The following RBFOX1 variants were observed in gnomAD, a reference collection of about 807,000 sequenced individuals.
RBFOX1 encodes RNA binding protein fox-1 homolog 1.
A neutral mutation model predicts 57.7 loss-of-function variants in RBFOX1; 8 were observed. The observed-to-expected ratio is 0.14, with a 90% CI of 0.08 to 0.25. The LOEUF is 0.25. Among genes scored for constraint, RBFOX1 ranks in the 10% least tolerant of loss-of-function variants. RBFOX1 has a pLI of 1.00. For missense variants in RBFOX1, 611 were observed against 548.5 expected (o/e 1.11, Z -1.14); for synonymous variants, 326 against 222.4 (o/e 1.47, Z -4.15).
chr16:6,015,011 A>G (rs554153862), upstream of RBFOX1, among the ~76,000 whole-genome samples: 8 of 152,034 alleles, frequency 5.3e-5, no homozygotes, highest in African/African-American at 1.9e-4. Flanking sequence ...GCACACCACT[A>G]CGCCTGGCTA....
intron 3 of RBFOX1, among the ~76,000 whole-genome samples, chr16:6,879,177 C>T (rs909644779): frequency 1.3e-5 from 2 of 152,068 alleles, no homozygotes; most frequent in African/African-American, 4.8e-5. Flanking sequence ...GAATATCAGC[C>T]CTTTTAATAA....
At chr16:5,686,459 C>T (rs1049763893) in intron 3 of RBFOX1, among the ~76,000 whole-genome samples, 4 of 152,138 alleles carry the variant, frequency 2.6e-5, no homozygotes, top group Admixed American at 6.5e-5. Context: ...AACCCAAAGC[C>T]TGCAGTGAAG....
At chr16:6,468,080 G>A (rs1345518038) in intron 2 of RBFOX1, among the ~76,000 whole-genome samples, 1 of 152,106 alleles carries the variant, frequency 6.6e-6, no homozygotes, top group Non-Finnish European at 1.5e-5. Flanking sequence ...AATACGGAGT[G>A]GGGATGGTGA....
At chr16:5,769,411 C>G (rs2053900453) in intron 3 of RBFOX1, among the ~76,000 whole-genome samples, 1 of 150,382 alleles carries the variant, frequency 6.6e-6, no homozygotes, top group African/African-American at 2.5e-5. Flanking sequence ...GAGGCTGAAG[C>G]AGGTGGATCA....
chr16:6,487,152 G>GTA (rs1567401619), intron 2 of RBFOX1, among the ~76,000 whole-genome samples: 8 of 85,856 alleles, frequency 9.3e-5, no homozygotes, highest in Non-Finnish European at 2.6e-4. Flanking sequence ...TTCTGTGTGT[G>GTA]TGTGTGTGTG....
intron 3 of RBFOX1, among the ~76,000 whole-genome samples, chr16:5,858,352 C>G (rs779048149): frequency 6.6e-6 from 1 of 152,188 alleles, no homozygotes; most frequent in Non-Finnish European, 1.5e-5. Context: ...TACCATGTGT[C>G]AGGGTGACTG....
chr16:5,638,599 C>G (rs1013448651), intron 3 of RBFOX1, among the ~76,000 whole-genome samples: 5 of 152,176 alleles, frequency 3.3e-5, no homozygotes, highest in Non-Finnish European at 5.9e-5. Flanking sequence ...GGGATTGTGC[C>G]TCTACCTTCT....
intron 2 of RBFOX1, among the ~76,000 whole-genome samples, chr16:6,343,289 C>G (rs977064373): frequency 6.6e-6 from 1 of 152,150 alleles, no homozygotes; most frequent in Non-Finnish European, 1.5e-5. Context: ...TGTGTCTTCC[C>G]CTACCCTGGT....
chr16:6,837,649 CAT>C (rs1454195019), intron 3 of RBFOX1, among the ~76,000 whole-genome samples: 1 of 152,186 alleles, frequency 6.6e-6, no homozygotes, highest in Non-Finnish European at 1.5e-5. Flanking sequence ...CTCACTCCCT[CAT>C]TGAAAATTGA....
chr16:6,786,610 C>G (rs1019106719), intron 3 of RBFOX1, among the ~76,000 whole-genome samples: 3 of 152,134 alleles, frequency 2.0e-5, no homozygotes, highest in East Asian at 3.9e-4. Context: ...TTCCCCTGAT[C>G]CTTATGAAGG....
intron 3 of RBFOX1, among the ~76,000 whole-genome samples, chr16:5,683,911 C>G (rs1374673884): frequency 1.3e-5 from 2 of 151,616 alleles, no homozygotes; most frequent in Admixed American, 6.6e-5. Context: ...ATCCGTCAGC[C>G]CAATATGAGC....
At chr16:6,941,464 C>T (rs1365436151) in intron 3 of RBFOX1, among the ~76,000 whole-genome samples, 3 of 151,864 alleles carry the variant, frequency 2.0e-5, no homozygotes, top group Admixed American at 6.6e-5. Context: ...CTCTAACATA[C>T]TGTAAAAGTG....
At chr16:5,562,463 G>A (rs2045922943) in intron 2 of RBFOX1, among the ~76,000 whole-genome samples, 1 of 152,064 alleles carries the variant, frequency 6.6e-6, no homozygotes, top group African/African-American at 2.4e-5. Flanking sequence ...GAGATACCCA[G>A]GATGTATAGA....
intron 4 of RBFOX1, among the ~76,000 whole-genome samples, chr16:7,306,055 T>C (rs967601927): frequency 2.0e-5 from 3 of 152,220 alleles, no homozygotes; most frequent in Non-Finnish European, 4.4e-5. Flanking sequence ...ATCTTTTGCC[T>C]TTTACATTTA....
chr16:7,074,600 T>A (rs1164849401), intron 4 of RBFOX1, among the ~76,000 whole-genome samples: 1 of 152,120 alleles, frequency 6.6e-6, no homozygotes, highest in African/African-American at 2.4e-5. Flanking sequence ...AGCATTTAAA[T>A]ACATATAATT....
chr16:7,611,351 C>T (rs143478053), intron 10 of RBFOX1, among the ~76,000 whole-genome samples: 1 of 151,980 alleles, frequency 6.6e-6, no homozygotes, highest in South Asian at 2.1e-4. Context: ...TTTGAGAGGC[C>T]GAGGAGGGTG....
intron 2 of RBFOX1, among the ~76,000 whole-genome samples, chr16:5,563,540 T>C (rs556363442): frequency 1.3e-5 from 2 of 152,214 alleles, no homozygotes; most frequent in African/African-American, 4.8e-5. Flanking sequence ...GGAAACATTT[T>C]ACAGTTAACG....
chr16:7,504,738 T>TAA (rs2072360578), intron 4 of RBFOX1, among the ~76,000 whole-genome samples: 1 of 10,562 alleles, frequency 9.5e-5, no homozygotes, highest in Admixed American at 1.4e-3. Context: ...TATATATATA[T>TAA]ATATATATAT....
Position 6,655,584 on chromosome 16 carries a change from TTG to T in RBFOX1, c.-16+936_-16+937del, listed in dbSNP as rs537752881. Among the ~76,000 whole-genome samples, 19 of 152,150 alleles carry T rather than the reference TTG, an allele frequency of 1.2e-4. No individual in the cohort carries two copies. The South Asian group carries it at 4.0e-3, about 32-fold the overall frequency. ...CTCAGGAAAAGCAACCGTTAGACAA[TTG>T]TTTGTTAATATTTTCACAGTCTCTT... On this transcript the variant is annotated intron_variant, in intron 3 of 15. Transcript: ENST00000550418.
Sources: allele counts gnomAD v4.1 joint callset (sites outside exome capture counted in the v4.1 genomes callset), GRCh38; gene constraint gnomAD v4.1.1; transcripts MANE v1.5; gene names NCBI Gene and HGNC (gene_info 2026-07-23, HGNC 2026-07-21).